Variants in C21orf91 observed in about 807,000 individuals in gnomAD.
C21orf91 encodes protein EURL homolog.
Under a neutral mutation model 32.9 loss-of-function variants are expected in C21orf91, and 26 were observed. The observed-to-expected ratio is 0.79, with a 90% CI of 0.58 to 1.10. C21orf91 has a LOEUF of 1.10. Among genes scored for constraint, C21orf91 ranks in the 50% least tolerant of loss-of-function variants. The probability of loss-of-function intolerance (pLI) is 0.00; values close to 1 mark genes in which losing one functional copy is unlikely to be tolerated. For missense variants in C21orf91, 310 were observed against 341.3 expected (o/e 0.91, Z 0.72); for synonymous variants, 126 against 120.4 (o/e 1.05, Z -0.31).
chr21:17,811,013 C>CT (rs1022711616), intron 2 of C21orf91, among the ~76,000 whole-genome samples: 2 of 152,134 alleles, frequency 1.3e-5, no homozygotes, highest in Non-Finnish European at 2.9e-5. Flanking sequence ...GTCTTAGGAC[C>CT]TAAACTTTAG....
At chr21:17,803,430 G>A (rs2062575233) in intron 2 of C21orf91, among the ~76,000 whole-genome samples, 1 of 152,134 alleles carries the variant, frequency 6.6e-6, no homozygotes, top group African/African-American at 2.4e-5. Flanking sequence ...AGGATCGCTT[G>A]GGCCAGAGAG....
chr21:17,800,795 C>A (rs2062554017), intron 2 of C21orf91, among the ~76,000 whole-genome samples: 1 of 152,138 alleles, frequency 6.6e-6, no homozygotes, highest in Non-Finnish European at 1.5e-5. Context: ...TCAAAGATAT[C>A]CATGTCACTT....
intron 2 of C21orf91, among the ~76,000 whole-genome samples, chr21:17,807,357 A>C (rs1424581273): frequency 6.6e-6 from 1 of 152,076 alleles, no homozygotes. Context: ...CATGATTGTA[A>C]GTTTTCTGAG....
chr21:17,802,594 C>A (rs1048051626), intron 2 of C21orf91, among the ~76,000 whole-genome samples: 1 of 152,126 alleles, frequency 6.6e-6, no homozygotes, highest in African/African-American at 2.4e-5. Context: ...CTAAAAAACC[C>A]CACGAATATC....
chr21:17,796,451 G>A (rs755309608), intron 3 of C21orf91, 131 bp downstream of exon 3: 2 of 694,080 alleles, frequency 2.9e-6, no homozygotes, highest in Non-Finnish European at 4.9e-6. Context: ...TTTTGCTAAG[G>A]TGAACCTGTT....
Position 17,795,207 on chromosome 21 carries a change from C to T in C21orf91, c.727+1G>A. The T allele has an allele frequency of 1.9e-6, 3 of 1,602,886 alleles. No homozygotes were observed. Among genetic ancestry groups the T allele is most frequent in the Non-Finnish European group, 2.6e-6 (3 of 1,170,052 alleles). On this transcript the variant is annotated splice_donor_variant, in intron 4 of 4. Transcript: ENST00000284881. LOFTEE classifies it high-confidence loss of function. ...AAAAAAGTACTGACAGTGATTCTTA[C>T]CCTGGATTTGCTGTAGGAGCTTTGC...
intron 2 of C21orf91, among the ~76,000 whole-genome samples, chr21:17,804,255 T>A (rs1448796643): frequency 6.6e-6 from 1 of 152,228 alleles, no homozygotes; most frequent in African/African-American, 2.4e-5. Context: ...AGTTTGTCTA[T>A]CCTGTCATGT....
intron 3 of C21orf91, among the ~76,000 whole-genome samples, chr21:17,795,737 T>C (rs2062512441): frequency 6.6e-6 from 1 of 152,078 alleles, no homozygotes; most frequent in Non-Finnish European, 1.5e-5. Flanking sequence ...CCTCCCAAAG[T>C]GCTGGGATTA....
chr21:17,800,526 C>T (rs1458055577), intron 2 of C21orf91, among the ~76,000 whole-genome samples: 1 of 152,112 alleles, frequency 6.6e-6, no homozygotes, highest in African/African-American at 2.4e-5. Flanking sequence ...TCAAGAGATC[C>T]CAGTGAGTTT....
At chr21:17,809,184 A>G (rs2062617173) in intron 2 of C21orf91, among the ~76,000 whole-genome samples, 1 of 152,240 alleles carries the variant, frequency 6.6e-6, no homozygotes, top group East Asian at 1.9e-4. Flanking sequence ...GAACTAACAC[A>G]ATAATGAAAA....
intron 3 of C21orf91, among the ~76,000 whole-genome samples, chr21:17,796,341 A>AACT (rs1486768250): frequency 2.2e-4 from 34 of 152,224 alleles, no homozygotes; most frequent in African/African-American, 8.2e-4. Context: ...GATTCCATTT[A>AACT]GTGTAATCAT....
chr21:17,794,226 T>C lies in C21orf91; in HGVS notation c.728-645A>G, dbSNP rs149187976. Reference sequence around the variant, plus strand: ...GTTTAAATCCTTGATCTGCTACTGATTGGATGCATGATCTCTGTAAGCAAC... The same window carrying C: ...GTTTAAATCCTTGATCTGCTACTGACTGGATGCATGATCTCTGTAAGCAAC... On this transcript the variant is annotated intron_variant, in intron 4 of 4. Transcript: ENST00000284881. Among the ~76,000 whole-genome samples the C allele has an allele frequency of 5.9e-5, 9 of 152,328 alleles. No individual in the cohort carries two copies. The East Asian group carries it at 9.6e-4, about 16-fold the overall frequency.
intron 2 of C21orf91, among the ~76,000 whole-genome samples, chr21:17,812,067 A>G (rs2146261555): frequency 6.6e-6 from 1 of 152,300 alleles, no homozygotes; most frequent in Admixed American, 6.5e-5. Flanking sequence ...CATCAATAGG[A>G]CAGGTATAAA....
rs978345477 is a variant in C21orf91 at position 17,789,637 on chromosome 21, A to G, written c.*3778T>C. ...TTGGAGACTTGATATAATATGGTTCATATCAATGTTACCATAGCCAGAAGT... is the reference window on the plus strand; with the variant it reads ...TTGGAGACTTGATATAATATGGTTCGTATCAATGTTACCATAGCCAGAAGT... On this transcript the variant is annotated 3_prime_UTR_variant, in exon 5 of 5. Coordinates refer to ENST00000284881, the MANE Select transcript of C21orf91 (RefSeq NM_001100420.2). The G allele has an allele frequency of 3.3e-5, 5 of 152,298 alleles. No individual in the cohort carries two copies. Among genetic ancestry groups the G allele is most frequent in the Non-Finnish European group, 2.9e-5 (2 of 67,984 alleles). 9.4% of individuals were successfully genotyped at this position (152,298 alleles called of 1,614,324 possible). A position where few individuals can be genotyped will look rare whatever the true frequency, so the allele number is the denominator to read the frequency against.
rs138378810 is a variant in C21orf91 at position 17,807,553 on chromosome 21, G to A, written c.128-10435C>T. Among the ~76,000 whole-genome samples, 449 of 152,320 alleles carry A rather than the reference G, an allele frequency of 2.9e-3. 3 individuals carry two copies. The highest frequency in any genetic ancestry group is 8.7e-3 in the African/African-American group (360 of 41,576). ...TGCGCAGAGGTTGGAACAGTTTGGAGGGCTCAGAAGAAGATAGGATGATAA... is the reference window on the plus strand; with the variant it reads ...TGCGCAGAGGTTGGAACAGTTTGGAAGGCTCAGAAGAAGATAGGATGATAA... On this transcript the variant is annotated intron_variant, in intron 2 of 4. Transcript: ENST00000284881.
intron 2 of C21orf91, among the ~76,000 whole-genome samples, chr21:17,806,836 C>G (rs1397696068): frequency 6.6e-6 from 1 of 151,834 alleles, no homozygotes; most frequent in Non-Finnish European, 1.5e-5. Flanking sequence ...CGACACTGCA[C>G]TCCAGCCCAG....
Position 17,793,132 on chromosome 21 carries a change from T to C in C21orf91, c.*283A>G, listed in dbSNP as rs2062490022. ...TGTTTTGACAGGTGAATTAAAATGT[T>C]TAATAAAATGACACTGTAACAGTAT... On this transcript the variant is annotated 3_prime_UTR_variant, in exon 5 of 5. Coordinates refer to ENST00000284881, the MANE Select transcript of C21orf91 (RefSeq NM_001100420.2). 2 of 204,554 alleles carry C rather than the reference T, an allele frequency of 9.8e-6. No individual in the cohort carries two copies. The highest frequency in any genetic ancestry group is 1.2e-4 in the Admixed American group (2 of 17,144). The allele number at this position is 204,554 out of a possible 1,614,324, so 12.7% of individuals were successfully genotyped here.
At chr21:17,798,578 T>C (rs910634241) in intron 2 of C21orf91, among the ~76,000 whole-genome samples, 1 of 152,228 alleles carries the variant, frequency 6.6e-6, no homozygotes, top group Non-Finnish European at 1.5e-5. Context: ...TTAATATACA[T>C]CTTATTTATC....
At chr21:17,795,145 T>C in intron 4 of C21orf91, 63 bp downstream of exon 4, 2 of 990,236 alleles carry the variant, frequency 2.0e-6, no homozygotes, top group Admixed American at 1.7e-5. Context: ...TGGTGTCCTA[T>C]CATAGATGAT....
Sources: allele counts gnomAD v4.1 joint callset (sites outside exome capture counted in the v4.1 genomes callset), GRCh38; gene constraint gnomAD v4.1.1; transcripts MANE v1.5; gene names NCBI Gene and HGNC (gene_info 2026-07-23, HGNC 2026-07-21).